The following NEMF variants were observed in gnomAD, a reference collection of about 807,000 sequenced individuals.
The protein encoded by NEMF is nuclear export mediator factor.
NEMF carries 89 observed loss-of-function variants against 162.2 expected under a neutral mutation model. The observed-to-expected ratio is 0.55, with a 90% confidence interval of 0.46 to 0.65. The LOEUF (loss-of-function observed/expected upper bound fraction) is 0.65, where lower values mean the gene tolerates loss of function less well. Ranked by LOEUF, NEMF falls within the 30% of genes least tolerant of loss-of-function variation. The pLI, the probability that NEMF is intolerant of heterozygous loss-of-function variation, is 0.00. For synonymous variants in NEMF, 421 were observed against 404.5 expected (o/e 1.04, Z -0.49); for missense variants, 1,133 against 1,261.9 (o/e 0.90, Z 1.55).
intron 8 of NEMF, 58 bp downstream of exon 8, chr14:49,833,365 T>G: frequency 9.3e-7 from 1 of 1,080,846 alleles, no homozygotes; most frequent in Non-Finnish European, 1.3e-6. Context: ...AATGAACGTT[T>G]AATTTCTGAA....
intron 18 of NEMF, among the ~76,000 whole-genome samples, chr14:49,809,070 C>G (rs192556270): frequency 6.6e-6 from 1 of 152,228 alleles, no homozygotes; most frequent in East Asian, 1.9e-4. Flanking sequence ...ACTCCCATTG[C>G]TGGTGGTGAT....
chr14:49,802,815 C>T (rs1891018342), intron 20 of NEMF, 88 bp from the exon 21 acceptor site: 2 of 859,226 alleles, frequency 2.3e-6, no homozygotes, highest in African/African-American at 3.4e-5. Context: ...TGTCAGATGA[C>T]ACTAATGGTC....
chr14:49,825,352 T>C (rs772266746), intron 16 of NEMF, among the ~76,000 whole-genome samples: 1 of 152,072 alleles, frequency 6.6e-6, no homozygotes, highest in Non-Finnish European at 1.5e-5. Flanking sequence ...TATAAACATA[T>C]TACTAAGATA....
At chr14:49,827,307 C>T (rs757207355) in intron 15 of NEMF, among the ~76,000 whole-genome samples, 4 of 152,142 alleles carry the variant, frequency 2.6e-5, no homozygotes, top group Non-Finnish European at 5.9e-5. Context: ...CCACCTCAGC[C>T]GCCCAAGTAG....
chr14:49,790,659 T>A (rs1394169452), intron 26 of NEMF, among the ~76,000 whole-genome samples: 1 of 152,074 alleles, frequency 6.6e-6, no homozygotes, highest in Non-Finnish European at 1.5e-5. Context: ...ATTCCACTCA[T>A]ATGTATATGA....
chr14:49,809,041 T>C (rs146597734), intron 18 of NEMF, among the ~76,000 whole-genome samples: 6 of 152,256 alleles, frequency 3.9e-5, no homozygotes, highest in Non-Finnish European at 5.9e-5. Flanking sequence ...TAAATTCTGG[T>C]GGCAGTGGAA....
Position 49,795,817 on chromosome 14 carries a change from C to T in NEMF, c.2593G>A (p.Val865Met), listed in dbSNP as rs756950161. The T allele has an allele frequency of 1.9e-6, 3 of 1,612,490 alleles. No individual in the cohort carries two copies. Among genetic ancestry groups the T allele is most frequent in the Non-Finnish European group, 2.5e-6 (3 of 1,179,658 alleles). ...TTTTGTCCTCGTTTCATTGGCTGCACAGCCGCAACATTTTTGCTTGTGTTC... is the reference window on the plus strand; with the variant it reads ...TTTTGTCCTCGTTTCATTGGCTGCATAGCCGCAACATTTTTGCTTGTGTTC... ...HQNTSKNVAA[V>M]QPMKRGQKSK... The change falls in exon 26 of 33, where the codon GTG becomes ATG. Residue 865 changes from valine to methionine, a missense_variant. This residue lies in a region of NEMF where 532 missense variants were observed against 578.6 expected (regional missense o/e 0.92). Coordinates refer to ENST00000298310, the MANE Select transcript of NEMF (RefSeq NM_004713.6).
intron 5 of NEMF, chr14:49,839,854 A>G (rs1893106215): frequency 6.6e-6 from 1 of 152,224 alleles, no homozygotes; most frequent in Non-Finnish European, 1.5e-5. Flanking sequence ...ATTTAAAAAA[A>G]TTACAATGAA....
In NEMF at chr14:49,803,135, C is replaced by T. The variant is rs533223229; in HGVS notation, c.1915+102G>A. 1,151 of 878,698 alleles carry T rather than the reference C, an allele frequency of 1.3e-3. 24 individuals carry two copies. The South Asian group carries it at 0.019, about 14-fold the overall frequency. The allele number at this position is 878,698 out of a possible 1,614,324, so 54.4% of individuals were successfully genotyped here. A position where few individuals can be genotyped will look rare whatever the true frequency, so the allele number is the denominator to read the frequency against. ...CATAGCAGACTTCACATAGGAAATC[C>T]GAGTAATTTGTTTTTGTTCTAAGAG... On this transcript the variant is annotated intron_variant, in intron 20 of 32. Transcript: ENST00000298310.
intron 15 of NEMF, among the ~76,000 whole-genome samples, chr14:49,827,995 G>T (rs1050218099): frequency 6.6e-6 from 1 of 152,110 alleles, no homozygotes; most frequent in Admixed American, 6.6e-5. Context: ...TTTAAAGAAA[G>T]AACCAAAGGA....
chr14:49,796,412 C>T lies in NEMF; in HGVS notation c.2466-468G>A, dbSNP rs537755376. 604 of 400,874 alleles carry T rather than the reference C, an allele frequency of 1.5e-3. 2 individuals carry two copies. The highest frequency in any genetic ancestry group is 1.9e-3 in the Non-Finnish European group (387 of 199,502). 24.8% of individuals were successfully genotyped at this position (400,874 alleles called of 1,614,324 possible). A position where few individuals can be genotyped will look rare whatever the true frequency, so the allele number is the denominator to read the frequency against. On this transcript the variant is annotated intron_variant, in intron 25 of 32. Transcript: ENST00000298310. Reference sequence around the variant, plus strand: ...TTCTTCTTTCTGTTCCCAATGCCAACGTCTTAGTTCAGGTCCTCATTACAT... The same window carrying T: ...TTCTTCTTTCTGTTCCCAATGCCAATGTCTTAGTTCAGGTCCTCATTACAT...
At chr14:49,799,768 G>A in intron 23 of NEMF, 90 bp from the exon 24 acceptor site, 3 of 1,081,882 alleles carry the variant, frequency 2.8e-6, no homozygotes, top group South Asian at 1.5e-5. Context: ...ATACTCTTAA[G>A]TACTGGCAAT....
chr14:49,834,248 G>A (rs1892786291), intron 7 of NEMF, 115 bp downstream of exon 7: 1 of 674,830 alleles, frequency 1.5e-6, no homozygotes, highest in East Asian at 2.9e-5. Flanking sequence ...GAGCCAGTGT[G>A]CCTGGTCAAA....
At chr14:49,852,146 A>G (rs527643165) in intron 1 of NEMF, among the ~76,000 whole-genome samples, 1 of 147,658 alleles carries the variant, frequency 6.8e-6, no homozygotes, top group South Asian at 2.2e-4. Flanking sequence ...ACAGTAAAAT[A>G]TAATCCAATT....
chr14:49,830,637 G>A (rs541778378), intron 11 of NEMF, among the ~76,000 whole-genome samples: 63 of 152,304 alleles, frequency 4.1e-4, no homozygotes, highest in Non-Finnish European at 7.2e-4. Flanking sequence ...TGCCCGCCTC[G>A]GCCTCCCAAA....
At chr14:49,806,749 T>G (rs542389623) in intron 18 of NEMF, among the ~76,000 whole-genome samples, 1 of 152,296 alleles carries the variant, frequency 6.6e-6, no homozygotes, top group Admixed American at 6.5e-5. Context: ...CCAGAAAAGA[T>G]AATTTAGAGA....
intron 18 of NEMF, among the ~76,000 whole-genome samples, chr14:49,811,605 T>G (rs1409725883): frequency 1.3e-5 from 2 of 152,228 alleles, no homozygotes; most frequent in East Asian, 3.8e-4. Context: ...TTTACCAAGT[T>G]GAGGAATATC....
At chr14:49,850,946 G>A (rs1392456385) in intron 3 of NEMF, among the ~76,000 whole-genome samples, 1 of 152,210 alleles carries the variant, frequency 6.6e-6, no homozygotes, top group Non-Finnish European at 1.5e-5. Flanking sequence ...GCTCATGCCT[G>A]TAATCCCAGC....
chr14:49,843,735 CA>C (rs1893330106), intron 4 of NEMF, among the ~76,000 whole-genome samples: 1 of 152,118 alleles, frequency 6.6e-6, no homozygotes, highest in Non-Finnish European at 1.5e-5. Flanking sequence ...AACTGTAATA[CA>C]ATAGCAAGTA....
Sources: allele counts gnomAD v4.1 joint callset (sites outside exome capture counted in the v4.1 genomes callset), GRCh38; gene constraint gnomAD v4.1.1; regional missense constraint gnomAD v4.1.1; transcripts MANE v1.5; gene names NCBI Gene and HGNC (gene_info 2026-07-23, HGNC 2026-07-21).